SPRYD7: variants seen among roughly 807,000 people sequenced by gnomAD.
The protein encoded by SPRYD7 is SPRY domain containing 7.
Under a neutral mutation model 23.8 loss-of-function variants are expected in SPRYD7, and 14 were observed. The observed-to-expected ratio is 0.59, with a 90% CI of 0.39 to 0.92. The LOEUF (loss-of-function observed/expected upper bound fraction) is 0.92, where lower values mean the gene tolerates loss of function less well. Ranked by LOEUF, SPRYD7 falls within the 40% of genes least tolerant of loss-of-function variation. The pLI, the probability that SPRYD7 is intolerant of heterozygous loss-of-function variation, is 0.00. For synonymous variants in SPRYD7, 75 were observed against 84.9 expected (o/e 0.88, Z 0.64); for missense variants, 194 against 241.7 (o/e 0.80, Z 1.31).
rs1955716937 is a variant in SPRYD7 at position 49,913,557 on chromosome 13, C to T, written c.*1506G>A. 6.6e-6 allele frequency: 1 copy of T among 151,748 alleles called. No individual in the cohort carries two copies. The allele number at this position is 151,748 out of a possible 1,614,324, so 9.4% of individuals were successfully genotyped here. On this transcript the variant is annotated 3_prime_UTR_variant, in exon 5 of 5. Transcript: ENST00000361840. ...ATTTTTTTTGAGACAGAGTCTCACT[C>T]TGTTGCCTAGGCTGGAGTGCAGTGG...
intron 4 of SPRYD7, among the ~76,000 whole-genome samples, chr13:49,917,898 A>T (rs574370857): frequency 6.6e-6 from 1 of 152,348 alleles, no homozygotes; most frequent in South Asian, 2.1e-4. Context: ...AGGTAAAATG[A>T]CTGAAAAGTA....
chr13:49,930,966 T>C, intron 2 of SPRYD7, 52 bp downstream of exon 2: 2 of 1,144,760 alleles, frequency 1.7e-6, no homozygotes, highest in South Asian at 2.8e-5. Flanking sequence ...CAAATTACTC[T>C]TAATATTTAG....
At position 49,914,354 on chromosome 13, in the gene SPRYD7, T is replaced by C. The variant is rs1041320723; in HGVS notation, c.*709A>G. 2.6e-5 allele frequency: 4 copies of C among 153,604 alleles called. No homozygotes were observed. Among genetic ancestry groups the C allele is most frequent in the African/African-American group, 9.7e-5 (4 of 41,450 alleles). The allele number at this position is 153,604 out of a possible 1,614,324, so 9.5% of individuals were successfully genotyped here. A position where few individuals can be genotyped will look rare whatever the true frequency, so the allele number is the denominator to read the frequency against. Reference sequence around the variant, plus strand: ...CCTTAAAAGAATAACCTCATTTAAATGTAAAGCATCATACTATTCTAGATG... The same window carrying C: ...CCTTAAAAGAATAACCTCATTTAAACGTAAAGCATCATACTATTCTAGATG... On this transcript the variant is annotated 3_prime_UTR_variant, in exon 5 of 5. Coordinates refer to ENST00000361840, the MANE Select transcript of SPRYD7 (RefSeq NM_020456.4).
At chr13:49,915,843 T>C (rs1955745537) in intron 4 of SPRYD7, among the ~76,000 whole-genome samples, 1 of 152,224 alleles carries the variant, frequency 6.6e-6, no homozygotes, top group South Asian at 2.1e-4. Context: ...ATCCACACAA[T>C]GCTACACTTC....
intron 4 of SPRYD7, among the ~76,000 whole-genome samples, chr13:49,916,833 G>T (rs1955757471): frequency 6.6e-6 from 1 of 152,148 alleles, no homozygotes; most frequent in Non-Finnish European, 1.5e-5. Flanking sequence ...GGGGAGTTTG[G>T]AATCCAGACT....
At chr13:49,927,437 A>C (rs1248917487) in intron 3 of SPRYD7, among the ~76,000 whole-genome samples, 2 of 151,906 alleles carry the variant, frequency 1.3e-5, no homozygotes, top group Non-Finnish European at 2.9e-5. Flanking sequence ...CAGAGGTTGC[A>C]GTGAGCCAAG....
At chr13:49,934,555 CAAAAAAA>C (rs889803067) in intron 1 of SPRYD7, among the ~76,000 whole-genome samples, 13 of 54,408 alleles carry the variant, frequency 2.4e-4, no homozygotes, top group Non-Finnish European at 3.8e-4. Flanking sequence ...AACTCCGTCT[CAAAAAAA>C]AAAAAAAAAA....
intron 4 of SPRYD7, among the ~76,000 whole-genome samples, chr13:49,918,937 A>G (rs1955784395): frequency 6.6e-6 from 1 of 151,132 alleles, no homozygotes; most frequent in South Asian, 2.1e-4. Context: ...GCTGGTCTCA[A>G]ACTCCTGACA....
chr13:49,920,626 A>G (rs1327367729), intron 4 of SPRYD7, among the ~76,000 whole-genome samples: 1 of 152,198 alleles, frequency 6.6e-6, no homozygotes, highest in Non-Finnish European at 1.5e-5. Flanking sequence ...TTAATCCTGC[A>G]AAGTGGGATT....
At chr13:49,934,051 T>TAA (rs529014208) in intron 1 of SPRYD7, among the ~76,000 whole-genome samples, 1 of 143,120 alleles carries the variant, frequency 7.0e-6, no homozygotes, top group Non-Finnish European at 1.5e-5. Flanking sequence ...ACAATTTTGT[T>TAA]AAAAAAAAAA....
chr13:49,918,981 G>A (rs548397986), intron 4 of SPRYD7, among the ~76,000 whole-genome samples: 15 of 151,898 alleles, frequency 9.9e-5, no homozygotes, highest in Middle Eastern at 3.4e-3. Context: ...CTCCCAAAGT[G>A]TTGGGATTAT....
intron 1 of SPRYD7, among the ~76,000 whole-genome samples, chr13:49,931,587 T>C (rs1871378905): frequency 6.6e-6 from 1 of 152,342 alleles, no homozygotes; most frequent in South Asian, 2.1e-4. Context: ...TGAATTATTT[T>C]AAATATTTAA....
rs189598381 is a variant in SPRYD7, at chr13:49,912,794, C to A, written c.*2269G>T. 1 of 152,224 alleles carries A rather than the reference C, an allele frequency of 6.6e-6. No homozygotes were observed. Among genetic ancestry groups the A allele is most frequent in the East Asian group, 1.9e-4 (1 of 5,186 alleles). 9.4% of individuals were successfully genotyped at this position (152,224 alleles called of 1,614,324 possible). A position where few individuals can be genotyped will look rare whatever the true frequency, so the allele number is the denominator to read the frequency against. ...TTATGATAGAAAGCCAGACAAAATG[C>A]ATAATACATACATAGTTAAATTTCA... On this transcript the variant is annotated 3_prime_UTR_variant, in exon 5 of 5. Coordinates refer to ENST00000361840, the MANE Select transcript of SPRYD7 (RefSeq NM_020456.4).
At chr13:49,935,196 G>A (rs951952233) in intron 1 of SPRYD7, among the ~76,000 whole-genome samples, 3 of 152,188 alleles carry the variant, frequency 2.0e-5, no homozygotes, top group Non-Finnish European at 4.4e-5. Context: ...TAAATATTAA[G>A]AAGTGCCTTT....
At chr13:49,924,193 G>T (rs1001613731) in intron 3 of SPRYD7, among the ~76,000 whole-genome samples, 21 of 152,002 alleles carry the variant, frequency 1.4e-4, no homozygotes, top group African/African-American at 4.8e-4. Context: ...CTCCATGTTG[G>T]TCAGGCTGGT....
In SPRYD7 at chr13:49,913,936, G is replaced by A. The variant is rs1955723182; in HGVS notation, c.*1127C>T. 1 of 152,304 alleles carries A rather than the reference G, an allele frequency of 6.6e-6. No homozygotes were observed. Among genetic ancestry groups the A allele is most frequent in the Non-Finnish European group, 1.5e-5 (1 of 68,040 alleles). The allele number at this position is 152,304 out of a possible 1,614,324, so 9.4% of individuals were successfully genotyped here. ...AAATGGGAATCTGAGACTTGGAGAG[G>A]AGAAAATAGGATGAGCAGCAAAACT... On this transcript the variant is annotated 3_prime_UTR_variant, in exon 5 of 5. Transcript: ENST00000361840.
At chr13:49,921,905 C>G (rs1474136754) in intron 3 of SPRYD7, among the ~76,000 whole-genome samples, 1 of 152,090 alleles carries the variant, frequency 6.6e-6, no homozygotes, top group African/African-American at 2.4e-5. Flanking sequence ...ATAGAGAAAC[C>G]TTTTACACTC....
intron 3 of SPRYD7, among the ~76,000 whole-genome samples, chr13:49,922,036 T>C (rs1469534657): frequency 6.6e-6 from 1 of 152,064 alleles, no homozygotes; most frequent in African/African-American, 2.4e-5. Flanking sequence ...GAAACGTCTC[T>C]ATACATTTTA....
chr13:49,931,780 C>T (rs1385973711), intron 1 of SPRYD7, among the ~76,000 whole-genome samples: 1 of 151,972 alleles, frequency 6.6e-6, no homozygotes, highest in Non-Finnish European at 1.5e-5. Context: ...AAAACCCCAT[C>T]TCTATAAAAA....
Sources: allele counts gnomAD v4.1 joint callset (sites outside exome capture counted in the v4.1 genomes callset), GRCh38; gene constraint gnomAD v4.1.1; transcripts MANE v1.5; gene names NCBI Gene and HGNC (gene_info 2026-07-23, HGNC 2026-07-21).